The following KAZN variants were observed in gnomAD, a reference collection of about 807,000 sequenced individuals.
The protein encoded by KAZN is kazrin.
A neutral mutation model predicts 87.4 loss-of-function variants in KAZN; 40 were observed. That is an observed-to-expected ratio of 0.46 (90% CI 0.36 to 0.60). The LOEUF (loss-of-function observed/expected upper bound fraction) is 0.60, where lower values mean the gene tolerates loss of function less well. Among genes scored for constraint, KAZN ranks in the 20% least tolerant of loss-of-function variants. The pLI is 0.00. For missense variants in KAZN, 898 were observed against 1,073.9 expected, an observed-to-expected ratio of 0.84 and a Z score of 2.29; for synonymous variants, 466 against 458.3, an observed-to-expected ratio of 1.02 and a Z score of -0.22.
chr1:14,767,849 A>G (rs1644924373), intron 1 of KAZN, among the ~76,000 whole-genome samples: 1 of 152,172 alleles, frequency 6.6e-6, no homozygotes, highest in Non-Finnish European at 1.5e-5. Flanking sequence ...TGAAAAGAGG[A>G]CCTTGAGCTG....
At chr1:14,948,026 T>C (rs549895679) in intron 1 of KAZN, among the ~76,000 whole-genome samples, 13 of 152,354 alleles carry the variant, frequency 8.5e-5, no homozygotes, top group African/African-American at 3.1e-4. Context: ...TGATAAGTGC[T>C]CACTGCTTGG....
At chr1:13,985,289 C>G (rs1193712639) in intron 1 of KAZN, among the ~76,000 whole-genome samples, 2 of 151,806 alleles carry the variant, frequency 1.3e-5, no homozygotes, top group Admixed American at 1.3e-4. Context: ...ATGTGCCATG[C>G]TGGTGCGCTG....
At chr1:14,808,770 A>C (rs1646310636) in intron 1 of KAZN, among the ~76,000 whole-genome samples, 2 of 152,216 alleles carry the variant, frequency 1.3e-5, no homozygotes, top group South Asian at 4.1e-4. Flanking sequence ...TTAAACAATA[A>C]ATAAATCTCA....
intron 2 of KAZN, among the ~76,000 whole-genome samples, chr1:15,033,358 TG>T: frequency 6.6e-6 from 1 of 152,368 alleles, no homozygotes; most frequent in Non-Finnish European, 1.5e-5. Flanking sequence ...TTTTGGGCTC[TG>T]ATGAATAATG....
At chr1:13,971,427 TCAC>T (rs1427112011) in intron 1 of KAZN, among the ~76,000 whole-genome samples, 1 of 152,124 alleles carries the variant, frequency 6.6e-6, no homozygotes, top group Non-Finnish European at 1.5e-5. Flanking sequence ...ATAATTGGGG[TCAC>T]TAATACTATC....
chr1:14,688,269 C>A (rs760913183), intron 1 of KAZN, among the ~76,000 whole-genome samples: 1 of 152,188 alleles, frequency 6.6e-6, no homozygotes, highest in South Asian at 2.1e-4. Context: ...CCAGCTGTGA[C>A]TGTGGGCACT....
intron 1 of KAZN, among the ~76,000 whole-genome samples, chr1:14,829,051 A>T (rs1557532320): frequency 1.3e-5 from 2 of 152,216 alleles, no homozygotes; most frequent in Admixed American, 1.3e-4. Context: ...GGCTTAAGCC[A>T]TTAGTTCATG....
chr1:14,883,411 G>GAAAGAAAGAAAGA (rs1653691433), intron 1 of KAZN, among the ~76,000 whole-genome samples: 1 of 145,856 alleles, frequency 6.9e-6, no homozygotes, highest in Non-Finnish European at 1.5e-5. Flanking sequence ...AAGAAAGAAA[G>GAAAGAAAGAAAGA]AAAGAAAGAA....
chr1:14,778,315 G>A (rs965727219), intron 1 of KAZN, among the ~76,000 whole-genome samples: 3 of 151,982 alleles, frequency 2.0e-5, no homozygotes, highest in Non-Finnish European at 4.4e-5. Flanking sequence ...AATGCTGGCT[G>A]GTTGTTGTGT....
At chr1:14,761,294 T>C (rs1434146547) in intron 1 of KAZN, among the ~76,000 whole-genome samples, 1 of 152,166 alleles carries the variant, frequency 6.6e-6, no homozygotes, top group East Asian at 1.9e-4. Flanking sequence ...AAATCCTGCC[T>C]CTTCAAAGAG....
At chr1:14,460,376 A>C (rs1034742121) in intron 2 of KAZN, among the ~76,000 whole-genome samples, 5 of 152,166 alleles carry the variant, frequency 3.3e-5, no homozygotes, top group Admixed American at 2.6e-4. Flanking sequence ...GGCCCTACAC[A>C]CAGCTTGGCA....
At chr1:14,824,979 G>T (rs927024537) in intron 1 of KAZN, among the ~76,000 whole-genome samples, 1 of 152,224 alleles carries the variant, frequency 6.6e-6, no homozygotes, top group Non-Finnish European at 1.5e-5. Flanking sequence ...CTGTTTGCAC[G>T]GCCCCCTCTC....
intron 1 of KAZN, among the ~76,000 whole-genome samples, chr1:13,981,087 C>CCATATATATATATA (rs1553181073): frequency 2.4e-4 from 2 of 8,304 alleles, no homozygotes; most frequent in African/African-American, 9.8e-4. Context: ...AAAAATTACT[C>CCATATATATATATA]TTTATATATA....
intron 2 of KAZN, among the ~76,000 whole-genome samples, chr1:14,328,909 G>A (rs1422416021): frequency 6.6e-6 from 1 of 152,022 alleles, no homozygotes; most frequent in Non-Finnish European, 1.5e-5. Context: ...AGAAGCATTA[G>A]CAAAATAATG....
intron 1 of KAZN, among the ~76,000 whole-genome samples, chr1:14,010,031 T>A (rs1441338038): frequency 2.6e-5 from 4 of 152,204 alleles, no homozygotes; most frequent in Admixed American, 6.5e-5. Context: ...CTATAGGCAT[T>A]CAATTAACAC....
At chr1:15,020,693 T>C (rs1228358415) in intron 2 of KAZN, among the ~76,000 whole-genome samples, 1 of 151,786 alleles carries the variant, frequency 6.6e-6, no homozygotes, top group Admixed American at 6.6e-5. Flanking sequence ...GTCTGGGGAG[T>C]TTCTAGTTTG....
At chr1:14,944,089 CA>C (rs980105572) in intron 1 of KAZN, among the ~76,000 whole-genome samples, 2 of 151,734 alleles carry the variant, frequency 1.3e-5, no homozygotes, top group African/African-American at 4.8e-5. Context: ...AAAACAAAAA[CA>C]AAAAAACACA....
At chr1:14,180,708 A>G in intron 2 of KAZN, 1 of 738,226 alleles carries the variant, frequency 1.4e-6, no homozygotes, top group Non-Finnish European at 2.2e-6. Context: ...TTTTTCTGAT[A>G]TAACAGATTG....
intron 1 of KAZN, among the ~76,000 whole-genome samples, chr1:14,035,829 A>G (rs995702812): frequency 6.6e-6 from 1 of 151,950 alleles, no homozygotes; most frequent in African/African-American, 2.4e-5. Flanking sequence ...TACTCCCTCA[A>G]CTAGAGTTTC....
Sources: gnomAD v4.1 joint callset for allele counts (sites outside exome capture counted in the v4.1 genomes callset) on GRCh38, gnomAD v4.1.1 for gene constraint, MANE v1.5 for transcripts, NCBI Gene and HGNC (gene_info 2026-07-23, HGNC 2026-07-21) for gene names.